Variants in PIKFYVE observed in about 807,000 individuals in gnomAD.
PIKFYVE encodes the protein phosphoinositide kinase, FYVE-type zinc finger containing, also known as 1-phosphatidylinositol 3-phosphate 5-kinase.
Under a neutral mutation model 257.9 loss-of-function variants are expected in PIKFYVE, and 122 were observed. That is an observed-to-expected ratio of 0.47 (90% confidence interval 0.41 to 0.55). The LOEUF (loss-of-function observed/expected upper bound fraction) is 0.55. Ranked by LOEUF, PIKFYVE falls within the 20% of genes least tolerant of loss-of-function variation. PIKFYVE has a pLI of 0.00. For synonymous variants in PIKFYVE, 892 were observed against 868.9 expected, an observed-to-expected ratio of 1.03 and a Z score of -0.47; for missense variants, 2,160 against 2,536.6, an observed-to-expected ratio of 0.85 and a Z score of 3.19.
In PIKFYVE at chr2:208,314,390, A is replaced by C. The variant is rs1695247371; in HGVS notation, c.1793A>C (p.Glu598Ala). 5 of 1,613,988 alleles carry C rather than the reference A, an allele frequency of 3.1e-6. No homozygotes were observed. Among genetic ancestry groups the C allele is most frequent in the Non-Finnish European group, 4.2e-6 (5 of 1,179,942 alleles). Reference protein sequence around the residue: ...HHNNLELLREENGEKQAMERL... With the variant: ...HHNNLELLREANGEKQAMERL... Reference sequence around the variant, plus strand: ...AACAACCTGGAGCTCCTGAGGGAGGAGAATGGGGAGAAACAAGCCATGGAG... The same window carrying C: ...AACAACCTGGAGCTCCTGAGGGAGGCGAATGGGGAGAAACAAGCCATGGAG... The change falls in exon 14 of 42, where the codon GAG (glutamate) becomes GCG (alanine). Residue 598 changes from glutamate (E) to alanine (A), a missense_variant. Physicochemically the swap from Glu to Ala is moderately radical, Grantham distance 107 (BLOSUM62 -1). Coordinates refer to ENST00000264380, the MANE Select transcript of PIKFYVE (RefSeq NM_015040.4).
chr2:208,299,612 G>C (rs892026028), intron 8 of PIKFYVE, among the ~76,000 whole-genome samples: 6 of 152,022 alleles, frequency 3.9e-5, no homozygotes, highest in African/African-American at 1.2e-4. Context: ...CCTTTTATCT[G>C]GTAAAATCAG....
intron 12 of PIKFYVE, among the ~76,000 whole-genome samples, chr2:208,308,749 C>T (rs1479848743): frequency 7.1e-6 from 1 of 140,282 alleles, no homozygotes; most frequent in Non-Finnish European, 1.5e-5. Context: ...CTCTTATTGT[C>T]CAGGCTGGAG....
chr2:208,267,147 A>G (rs1007188047), intron 1 of PIKFYVE, among the ~76,000 whole-genome samples: 2 of 152,226 alleles, frequency 1.3e-5, no homozygotes, highest in African/African-American at 4.8e-5. Context: ...ATTATCTACT[A>G]TTGACGCAGT....
Position 208,325,360 on chromosome 2 carries a change from C to T in PIKFYVE, c.2549C>T (p.Ala850Val), listed in dbSNP as rs144852646. Residue 850 changes from alanine to valine, a missense_variant, in exon 20 of 42, where the codon GCT becomes GTT. Ala to Val is a moderately conservative substitution (Grantham distance 64). Transcript: ENST00000264380. ...KLRGGSDYELARVKEILIFMI... is the reference protein window; with the variant it reads ...KLRGGSDYELVRVKEILIFMI... The stretch of plus-strand genomic sequence containing the variant: ...AGAGGAGGCTCTGATTATGAGCTGG[C>T]TCGAGTTAAGGAGATCCTAATATTT... The T allele has an allele frequency of 3.0e-4, 490 of 1,613,912 alleles. 1 individual carries two copies. The highest frequency in any genetic ancestry group is 3.9e-4 in the Non-Finnish European group (464 of 1,179,950).
In PIKFYVE at chr2:208,335,816, T is replaced by C. The variant is rs985799253; in HGVS notation, c.4280T>C (p.Ile1427Thr). Residue 1427 changes from isoleucine to threonine, a missense_variant, in exon 26 of 42, where the codon ATT becomes ACT. By Grantham distance (89) the Ile-to-Thr change is moderately conservative. Around this residue, in one of 12 missense-constraint regions of PIKFYVE, gnomAD observed 699 missense variants for 855.8 expected, o/e 0.82. Coordinates refer to ENST00000264380, the MANE Select transcript of PIKFYVE (RefSeq NM_015040.4). ...AGAGTTTCACAGGTATATGTTGCCA[T>C]TGATGAAAGACTTGCATCTTTGAAA... The part of the protein sequence containing the change: ...FQKVSQVYVA[I>T]DERLASLKTD... 2 of 1,612,712 alleles carry C rather than the reference T, an allele frequency of 1.2e-6. No individual in the cohort carries two copies. The highest frequency in any genetic ancestry group is 2.2e-5 in the South Asian group (2 of 91,012).
chr2:208,268,025 A>G (rs993171095), intron 1 of PIKFYVE, among the ~76,000 whole-genome samples: 3 of 152,222 alleles, frequency 2.0e-5, no homozygotes, highest in Non-Finnish European at 4.4e-5. Context: ...TATTGGTGAT[A>G]TATCAGAAGG....
intron 16 of PIKFYVE, among the ~76,000 whole-genome samples, chr2:208,318,819 C>T (rs1016037371): frequency 2.6e-5 from 4 of 152,104 alleles, no homozygotes; most frequent in South Asian, 2.1e-4. Flanking sequence ...GGCGTGGTGG[C>T]GTGTGCCTGT....
intron 24 of PIKFYVE, among the ~76,000 whole-genome samples, chr2:208,333,918 G>A (rs1697838118): frequency 6.6e-6 from 1 of 152,180 alleles, no homozygotes; most frequent in African/African-American, 2.4e-5. Context: ...GTGGGGATTA[G>A]AAGTGTGAGC....
At chr2:208,323,052 T>C (rs1033346139) in intron 17 of PIKFYVE, among the ~76,000 whole-genome samples, 2 of 151,592 alleles carry the variant, frequency 1.3e-5, no homozygotes, top group Non-Finnish European at 2.9e-5. Context: ...TGCAGAGTAT[T>C]CCATGGTGTG....
In PIKFYVE at chr2:208,278,618, C is replaced by T. The variant is rs1222806548; in HGVS notation, c.613+910C>T. Among the ~76,000 whole-genome samples, 3 of 152,144 alleles carry T rather than the reference C, an allele frequency of 2.0e-5. No homozygotes were observed. The East Asian group carries it at 5.8e-4, about 29-fold the overall frequency. ...GTTGCCATCTTTATGTCCTCATGTA[C>T]TCAGTGTTTAGCTCCCACTTGTAAG... On this transcript the variant is annotated intron_variant, in intron 5 of 41. Transcript: ENST00000264380.
chr2:208,277,614 C>T lies in PIKFYVE; in HGVS notation c.519C>T (p.Thr173=). Residue 173 remains threonine (T), a synonymous_variant, in exon 5 of 42, where the codon ACC becomes ACT. Transcript: ENST00000264380. ...ECYDCSEKFT[T]FRRRHHCRLC... ...ATGACTGTAGTGAGAAATTTACAACCTTTAGGCGCAGACACCATTGCCGAC... is the reference window on the plus strand; with the variant it reads ...ATGACTGTAGTGAGAAATTTACAACTTTTAGGCGCAGACACCATTGCCGAC... The T allele has an allele frequency of 6.2e-7, 1 of 1,613,886 alleles. No homozygotes were observed. The highest frequency in any genetic ancestry group is 8.5e-7 in the Non-Finnish European group (1 of 1,179,808).
At chr2:208,272,634 A>T (rs549581823) in intron 2 of PIKFYVE, among the ~76,000 whole-genome samples, 5 of 152,164 alleles carry the variant, frequency 3.3e-5, no homozygotes, top group African/African-American at 9.7e-5. Context: ...TATTACTTGA[A>T]GTATGTTAGA....
At chr2:208,276,052 T>C (rs1690059060) in intron 3 of PIKFYVE, among the ~76,000 whole-genome samples, 1 of 152,168 alleles carries the variant, frequency 6.6e-6, no homozygotes, top group Non-Finnish European at 1.5e-5. Flanking sequence ...TTTGGAGCTG[T>C]GGGGTTGGGG....
In PIKFYVE at chr2:208,304,212, A is replaced by C; in HGVS notation, c.1362A>C (p.Ser454=). Residue 454 remains serine, a synonymous_variant, in exon 11 of 42, where the codon TCA becomes TCC. Coordinates refer to ENST00000264380, the MANE Select transcript of PIKFYVE (RefSeq NM_015040.4). ...FSETPSPDSD[S]VNSVEGHSEP... is the part of the protein sequence containing the mutation. ...AGACGCCTTCTCCCGACAGTGACTC[A>C]GTGAACTCCGTGGAAGGACACTCTG... 6.2e-7 allele frequency: 1 copy of C among 1,614,170 alleles called. No homozygotes were observed. Among genetic ancestry groups the C allele is most frequent in the Non-Finnish European group, 8.5e-7 (1 of 1,180,010 alleles).
intron 3 of PIKFYVE, 66 bp from the exon 4 acceptor site, chr2:208,276,646 T>C: frequency 8.8e-7 from 1 of 1,135,500 alleles, no homozygotes; most frequent in Non-Finnish European, 1.3e-6. Flanking sequence ...CCATCACATA[T>C]ATACCTTGTT....
chr2:208,269,979 AGT>A (rs2124964443), intron 1 of PIKFYVE: 1 of 215,276 alleles, frequency 4.6e-6, no homozygotes, highest in Non-Finnish European at 1.0e-5. Context: ...GCCAAAGGAC[AGT>A]GTGCGGATGG....
chr2:208,284,804 T>C (rs1405359091), intron 5 of PIKFYVE, among the ~76,000 whole-genome samples: 1 of 152,148 alleles, frequency 6.6e-6, no homozygotes, highest in Non-Finnish European at 1.5e-5. Context: ...CATGTCTCTG[T>C]TAGATTTCTT....
chr2:208,335,433 C>T lies in PIKFYVE; in HGVS notation c.4256+14C>T, dbSNP rs1559148762. 1.3e-6 allele frequency: 2 copies of T among 1,489,316 alleles called. No homozygotes were observed. Among genetic ancestry groups the T allele is most frequent in the African/African-American group, 1.4e-5 (1 of 72,148 alleles). 92.3% of individuals were successfully genotyped at this position (1,489,316 alleles called of 1,614,324 possible). On this transcript the variant is annotated intron_variant, in intron 25 of 41. Transcript: ENST00000264380. ...CTTCTTTCAAAAGTAAGTTCAGTTT[C>T]TTTTATCATCTTTTTTTGTTTATTT... is the stretch of plus-strand genomic sequence containing the variant.
intron 2 of PIKFYVE, among the ~76,000 whole-genome samples, chr2:208,272,031 A>G (rs1477268026): frequency 1.3e-5 from 2 of 152,084 alleles, no homozygotes; most frequent in East Asian, 3.9e-4. Context: ...TCAGGAGATC[A>G]AGACCATCCT....
Sources: gnomAD v4.1 joint callset for allele counts (sites outside exome capture counted in the v4.1 genomes callset) on GRCh38, gnomAD v4.1.1 for gene constraint, gnomAD v4.1.1 regional missense constraint, MANE v1.5 for transcripts, NCBI Gene and HGNC (gene_info 2026-07-23, HGNC 2026-07-21) for gene names.